The following KRT73 variants were observed in gnomAD, a reference collection of about 807,000 sequenced individuals.
KRT73 encodes the protein keratin, type II cytoskeletal 73.
KRT73 carries 44 observed loss-of-function variants against 47.2 expected under a neutral mutation model. That is an observed-to-expected ratio of 0.93 (90% confidence interval 0.73 to 1.20). The LOEUF is 1.20. Ranked by LOEUF, KRT73 falls within the 50% of genes most tolerant of loss-of-function variation. The probability of loss-of-function intolerance (pLI) is 0.00; values close to 1 mark genes in which losing one functional copy is unlikely to be tolerated. For missense variants in KRT73, 713 were observed against 704.5 expected (o/e 1.01, Z -0.14); for synonymous variants, 285 against 291.3 (o/e 0.98, Z 0.22).
At chr12:52,614,291 C>G in intron 4 of KRT73, 2 of 393,238 alleles carry the variant, frequency 5.1e-6, no homozygotes, top group East Asian at 4.6e-5. Context: ...TCCCCAGCCA[C>G]AGAGAGAAGA....
At position 52,618,462 on chromosome 12, in the gene KRT73, G is replaced by A. The variant is rs531582563; in HGVS notation, c.63C>T (p.Ser21=). 2.3e-5 allele frequency: 37 copies of A among 1,613,432 alleles called. No homozygotes were observed. In the Middle Eastern group the frequency reaches 5.0e-4, roughly 22 times the overall value. ...ATGAGCTGCCCCCTGAGAGCACAGC[G>A]GAGCAGCCGCTGAAGCCCCCCTTGG... ...AAAKGGFSGC[S]AVLSGGSSSS... Residue 21 remains serine, a synonymous_variant, in exon 1 of 9, where the codon TCC becomes TCT. Transcript: ENST00000305748.
chr12:52,618,466 C>T lies in KRT73; in HGVS notation c.59G>A (p.Cys20Tyr), dbSNP rs1221229624. The T allele has an allele frequency of 1.2e-6, 2 of 1,613,392 alleles. No individual in the cohort carries two copies. Among genetic ancestry groups the T allele is most frequent in the East Asian group, 2.2e-5 (1 of 44,866 alleles). Reference sequence around the variant, plus strand: ...GCTGCCCCCTGAGAGCACAGCGGAGCAGCCGCTGAAGCCCCCCTTGGCAGC... The same window carrying T: ...GCTGCCCCCTGAGAGCACAGCGGAGTAGCCGCTGAAGCCCCCCTTGGCAGC... The part of the protein sequence containing the change: ...GAAAKGGFSG[C>Y]SAVLSGGSSS... The change falls in exon 1 of 9, where the codon TGC becomes TAC. Residue 20 changes from cysteine (C) to tyrosine (Y), a missense_variant. Coordinates refer to ENST00000305748, the MANE Select transcript of KRT73 (RefSeq NM_175068.3).
intron 1 of KRT73, 115 bp from the exon 2 acceptor site, chr12:52,616,495 C>A: frequency 7.5e-7 from 1 of 1,332,372 alleles, no homozygotes; most frequent in South Asian, 1.4e-5. Flanking sequence ...GAGCCTCAGC[C>A]CTTAAAAACT....
At chr12:52,628,719 A>T in the KRT73 span, among the ~76,000 whole-genome samples, 1 of 152,214 alleles carries the variant, frequency 6.6e-6, no homozygotes, top group Admixed American at 6.5e-5. Context: ...ACAAGGGAGA[A>T]GGTGACTGAC....
At chr12:52,613,533 G>A (rs952023618) in intron 5 of KRT73, 155 bp downstream of exon 5, 2 of 1,402,906 alleles carry the variant, frequency 1.4e-6, no homozygotes, top group Non-Finnish European at 9.4e-7. Context: ...GGACAGAGCT[G>A]TGTCTTCTCC....
chr12:52,610,885 T>C lies in KRT73; in HGVS notation c.1111-50A>G, dbSNP rs750992947. The C allele has an allele frequency of 1.2e-5, 18 of 1,472,392 alleles. 1 individual carries two copies. The highest frequency in any genetic ancestry group is 1.7e-5 in the Non-Finnish European group (18 of 1,068,398). 91.2% of individuals were successfully genotyped at this position (1,472,392 alleles called of 1,614,324 possible). ...CCCTGAGTTCCTCCCTGGGCCTCGC[T>C]TCACCTCTCCCATGCTCTCAATGGT... On this transcript the variant is annotated intron_variant, in intron 6 of 8. Coordinates refer to ENST00000305748, the MANE Select transcript of KRT73 (RefSeq NM_175068.3).
chr12:52,616,838 CCAGAGG>C (rs959759272), intron 1 of KRT73, among the ~76,000 whole-genome samples: 3 of 152,168 alleles, frequency 2.0e-5, no homozygotes, highest in African/African-American at 7.2e-5. Context: ...CCCAGCCCAG[CCAGAGG>C]CAGATGTTCA....
chr12:52,612,227 T>C (rs1053588511), intron 5 of KRT73: 10 of 152,202 alleles, frequency 6.6e-5, no homozygotes, highest in African/African-American at 2.2e-4. Context: ...TGGAGGAACA[T>C]TTTGTGTGCA....
At chr12:52,609,170 G>A in intron 8 of KRT73, 77 bp downstream of exon 8, 1 of 1,265,594 alleles carries the variant, frequency 7.9e-7, no homozygotes, top group Non-Finnish European at 1.2e-6. Flanking sequence ...TCCTCAGGGG[G>A]CTGGGCGGTG....
rs1336299344 is a variant in KRT73 at position 52,608,946 on chromosome 12, C to G, written c.1366+301G>C. Among the ~76,000 whole-genome samples the G allele has an allele frequency of 2.0e-5, 3 of 152,298 alleles. No individual in the cohort carries two copies. In the East Asian group the frequency reaches 5.8e-4, roughly 29 times the overall value. ...CACTCTGTGCTCAGTTTCCTTCATGCAGGAGAGCCGGTGTGGGGGTGACAG... is the reference window on the plus strand; with the variant it reads ...CACTCTGTGCTCAGTTTCCTTCATGGAGGAGAGCCGGTGTGGGGGTGACAG... On this transcript the variant is annotated intron_variant, in intron 8 of 8. Transcript: ENST00000305748.
At chr12:52,621,136 A>G (rs61249274), upstream of KRT73, among the ~76,000 whole-genome samples, 6 of 151,922 alleles carry the variant, frequency 3.9e-5, no homozygotes, top group African/African-American at 1.2e-4. Context: ...TATATTTCAC[A>G]TCCCTTATAT....
At chr12:52,616,473 A>C in intron 1 of KRT73, 93 bp from the exon 2 acceptor site, 2 of 1,487,520 alleles carry the variant, frequency 1.3e-6, no homozygotes, top group Admixed American at 3.9e-5. Context: ...ATGCTACATT[A>C]GCTTTAAAAA....
At chr12:52,623,896 G>A in the KRT73 span, among the ~76,000 whole-genome samples, 49 of 152,068 alleles carry the variant, frequency 3.2e-4, no homozygotes, top group African/African-American at 1.0e-3. Context: ...CAACAGGACA[G>A]TAGGAGAAAA....
intron 4 of KRT73, 193 bp downstream of exon 4, chr12:52,614,386 C>A: frequency 2.0e-6 from 1 of 508,876 alleles, no homozygotes; most frequent in Non-Finnish European, 3.4e-6. Context: ...GAAAGCAGGA[C>A]ATCCTCAGGG....
At chr12:52,610,529 GCC>G in intron 7 of KRT73, 84 bp downstream of exon 7, 19 of 295,146 alleles carry the variant, frequency 6.4e-5, no homozygotes, top group South Asian at 1.1e-4. Context: ...CCAGCTCGCC[GCC>G]CCCTCCCCCC....
At chr12:52,619,975 CTG>C (rs1940875557), upstream of KRT73, among the ~76,000 whole-genome samples, 1 of 152,088 alleles carries the variant, frequency 6.6e-6, no homozygotes, top group Admixed American at 6.6e-5. Flanking sequence ...AACCTCCCCT[CTG>C]TTTTATACAA....
At position 52,609,236 on chromosome 12, in the gene KRT73, G is replaced by T; in HGVS notation, c.1366+11C>A. ...ACTAAAAGTATTCCCTCAGAGTCATGAAATACTCACAAATGCTCACGGAGT... is the reference window on the plus strand; with the variant it reads ...ACTAAAAGTATTCCCTCAGAGTCATTAAATACTCACAAATGCTCACGGAGT... On this transcript the variant is annotated intron_variant, in intron 8 of 8. Transcript: ENST00000305748. 6.2e-7 allele frequency: 1 copy of T among 1,612,252 alleles called. No individual in the cohort carries two copies. Among genetic ancestry groups the T allele is most frequent in the Non-Finnish European group, 8.5e-7 (1 of 1,178,346 alleles).
At chr12:52,619,874 G>C (rs898948487), upstream of KRT73, among the ~76,000 whole-genome samples, 2 of 152,122 alleles carry the variant, frequency 1.3e-5, no homozygotes, top group African/African-American at 4.8e-5. Flanking sequence ...TGGAGTACTT[G>C]AATGAACAGT....
At chr12:52,617,315 A>G (rs2120880199) in intron 1 of KRT73, among the ~76,000 whole-genome samples, 1 of 152,282 alleles carries the variant, frequency 6.6e-6, no homozygotes, top group African/African-American at 2.4e-5. Context: ...AGTGATTCTC[A>G]AACCTGAGTG....
Sources: allele counts gnomAD v4.1 joint callset (sites outside exome capture counted in the v4.1 genomes callset), GRCh38; gene constraint gnomAD v4.1.1; transcripts MANE v1.5; gene names NCBI Gene and HGNC (gene_info 2026-07-23, HGNC 2026-07-21).